The following MBOAT2 variants were observed in gnomAD, a reference collection of about 807,000 sequenced individuals.
The protein encoded by MBOAT2 is membrane-bound glycerophospholipid O-acyltransferase 2.
In MBOAT2, 28 loss-of-function variants were observed where a neutral mutation model predicts 63.4. The observed-to-expected ratio is 0.44, with a 90% confidence interval of 0.33 to 0.61. The LOEUF (loss-of-function observed/expected upper bound fraction) is 0.61, where lower values mean the gene tolerates loss of function less well. MBOAT2 is among the 20% of genes least tolerant of loss of function. MBOAT2 has a pLI of 0.03. For missense variants in MBOAT2, 470 were observed against 605.8 expected (o/e 0.78, Z 2.35); for synonymous variants, 211 against 215.6 (o/e 0.98, Z 0.19).
intron 4 of MBOAT2, among the ~76,000 whole-genome samples, chr2:8,900,911 A>T (rs941829286): frequency 1.3e-5 from 2 of 152,198 alleles, no homozygotes; most frequent in African/African-American, 4.8e-5. Flanking sequence ...GCAGAAAAAA[A>T]TGAGCTGCCT....
At chr2:8,904,507 C>T (rs1207178637) in intron 4 of MBOAT2, among the ~76,000 whole-genome samples, 1 of 151,848 alleles carries the variant, frequency 6.6e-6, no homozygotes, top group Non-Finnish European at 1.5e-5. Flanking sequence ...GATGGGGTTT[C>T]ACCATGTTGC....
At chr2:8,909,487 A>G (rs1250556443) in intron 3 of MBOAT2, among the ~76,000 whole-genome samples, 1 of 152,232 alleles carries the variant, frequency 6.6e-6, no homozygotes, top group African/African-American at 2.4e-5. Flanking sequence ...ACAAATAGTA[A>G]CTGTGACTAA....
At chr2:8,864,692 C>T (rs939198429) in intron 9 of MBOAT2, among the ~76,000 whole-genome samples, 1 of 152,062 alleles carries the variant, frequency 6.6e-6, no homozygotes, top group Non-Finnish European at 1.5e-5. Context: ...TCAATTCTGG[C>T]GCTGCCTGGC....
At chr2:8,900,421 G>A (rs1664826438) in intron 4 of MBOAT2, among the ~76,000 whole-genome samples, 1 of 152,126 alleles carries the variant, frequency 6.6e-6, no homozygotes, top group African/African-American at 2.4e-5. Flanking sequence ...GACCCTGTAG[G>A]ACATCTATGT....
chr2:8,957,534 T>C (rs184555448), intron 2 of MBOAT2, among the ~76,000 whole-genome samples: 12 of 152,320 alleles, frequency 7.9e-5, no homozygotes, highest in Admixed American at 7.2e-4. Context: ...GAAATATCAG[T>C]GTATTCCAAT....
intron 1 of MBOAT2, among the ~76,000 whole-genome samples, chr2:8,971,865 A>G (rs939763981): frequency 3.3e-5 from 5 of 152,246 alleles, no homozygotes; most frequent in Admixed American, 6.5e-5. Context: ...ACGAAATAAA[A>G]GAGGATACCA....
intron 1 of MBOAT2, among the ~76,000 whole-genome samples, chr2:8,992,767 G>C (rs1672006560): frequency 6.6e-6 from 1 of 152,226 alleles, no homozygotes. Context: ...CAGAAGCAAG[G>C]CATGCTGGTC....
chr2:8,860,577 T>C, intron 12 of MBOAT2, 36 bp downstream of exon 12: 4 of 1,598,336 alleles, frequency 2.5e-6, no homozygotes, highest in Non-Finnish European at 3.4e-6. Context: ...AAAATAGAGT[T>C]ATTCCCACTG....
chr2:8,920,167 T>C (rs1434787970), intron 3 of MBOAT2, among the ~76,000 whole-genome samples: 2 of 152,186 alleles, frequency 1.3e-5, no homozygotes, highest in Non-Finnish European at 2.9e-5. Context: ...TCTGAAGTTT[T>C]ATAGGTTTAG....
chr2:8,930,134 G>A (rs1253066657), intron 3 of MBOAT2, among the ~76,000 whole-genome samples: 1 of 152,164 alleles, frequency 6.6e-6, no homozygotes, highest in East Asian at 1.9e-4. Context: ...CCGCTGCAAG[G>A]TTATAAAGTA....
chr2:8,951,835 T>C (rs1391610829), intron 2 of MBOAT2, among the ~76,000 whole-genome samples: 2 of 152,230 alleles, frequency 1.3e-5, no homozygotes, highest in Admixed American at 6.5e-5. Context: ...TTAATCTAGC[T>C]AGCAATCTAT....
chr2:8,933,124 C>T (rs758440014), intron 3 of MBOAT2, among the ~76,000 whole-genome samples: 5 of 152,072 alleles, frequency 3.3e-5, no homozygotes, highest in Non-Finnish European at 5.9e-5. Flanking sequence ...GTTGCATGGG[C>T]TCTTAATTTT....
intron 1 of MBOAT2, among the ~76,000 whole-genome samples, chr2:8,983,890 T>C (rs546309022): frequency 6.6e-5 from 10 of 152,158 alleles, no homozygotes; most frequent in Non-Finnish European, 1.3e-4. Flanking sequence ...AGAAAAATTA[T>C]TTCTGAAAAA....
intron 2 of MBOAT2, among the ~76,000 whole-genome samples, chr2:8,953,487 G>A (rs1479383027): frequency 6.6e-6 from 1 of 152,138 alleles, no homozygotes; most frequent in Non-Finnish European, 1.5e-5. Context: ...GCTACTTCTA[G>A]CAGGATTAGG....
intron 9 of MBOAT2, among the ~76,000 whole-genome samples, chr2:8,866,358 AAG>A (rs1164443317): frequency 1.3e-5 from 2 of 152,178 alleles, no homozygotes; most frequent in African/African-American, 4.8e-5. Context: ...TTATTAGGAA[AAG>A]AGTGTCTCAA....
chr2:8,936,926 C>T (rs746346340), intron 3 of MBOAT2, among the ~76,000 whole-genome samples: 2 of 152,268 alleles, frequency 1.3e-5, no homozygotes, highest in Non-Finnish European at 1.5e-5. Flanking sequence ...TTGAATATCG[C>T]AGAACACGCC....
At chr2:8,927,860 G>C (rs1295746507) in intron 3 of MBOAT2, among the ~76,000 whole-genome samples, 1 of 152,186 alleles carries the variant, frequency 6.6e-6, no homozygotes, top group East Asian at 1.9e-4. Context: ...CTGCTACAAA[G>C]AAATATCTCT....
At chr2:8,958,305 T>C (rs1374038830) in intron 2 of MBOAT2, among the ~76,000 whole-genome samples, 192 bp downstream of exon 2, 1 of 152,196 alleles carries the variant, frequency 6.6e-6, no homozygotes, top group Non-Finnish European at 1.5e-5. Context: ...CCTCTAAGAC[T>C]AAAGAGAGAG....
At chr2:8,920,191 G>A (rs1308673737) in intron 3 of MBOAT2, among the ~76,000 whole-genome samples, 2 of 152,170 alleles carry the variant, frequency 1.3e-5, no homozygotes, top group African/African-American at 2.4e-5. Flanking sequence ...CTACATTGAG[G>A]ACTAAGAGGC....
Sources: allele counts gnomAD v4.1 joint callset (sites outside exome capture counted in the v4.1 genomes callset), GRCh38; gene constraint gnomAD v4.1.1; transcripts MANE v1.5; gene names NCBI Gene and HGNC (gene_info 2026-07-23, HGNC 2026-07-21).